The following DNAH9 variants were observed in gnomAD, a reference collection of about 807,000 sequenced individuals.
The protein encoded by DNAH9 is dynein axonemal heavy chain 9.
In DNAH9, 345 loss-of-function variants were observed where a neutral mutation model predicts 471.6. The ratio of observed to expected loss-of-function variants is 0.73; its 90% CI spans 0.67 to 0.80. The LOEUF is 0.80. Among genes scored for constraint, DNAH9 ranks in the 30% least tolerant of loss-of-function variants. DNAH9 has a pLI of 0.00. For missense variants in DNAH9, 5,407 were observed against 5,609.2 expected, an observed-to-expected ratio of 0.96 and a Z score of 1.15; for synonymous variants, 2,093 against 2,123.6, an observed-to-expected ratio of 0.99 and a Z score of 0.40.
intron 8 of DNAH9, among the ~76,000 whole-genome samples, chr17:11,634,943 A>C (rs962011127): frequency 5.9e-5 from 9 of 152,186 alleles, no homozygotes; most frequent in Non-Finnish European, 1.0e-4. Context: ...CCCAACCTGA[A>C]ATAAGGAGGT....
At position 11,768,570 on chromosome 17, in the gene DNAH9, G is replaced by T; in HGVS notation, c.7288G>T (p.Glu2430Ter). Residue 2430 changes from glutamate to a stop codon, truncating the protein, a stop_gained, in exon 37 of 69, where the codon GAG (glutamate) becomes TAG (stop). Coordinates refer to ENST00000262442, the MANE Select transcript of DNAH9 (RefSeq NM_001372.4). LOFTEE classifies it high-confidence loss of function. The part of the protein sequence containing the change: ...YYIDPETKKF[E>*]PWSKLVPQFE... ...CATCGACCCAGAGACCAAGAAATTC[G>T]AGCCTTGGTCCAAGCTCGTCCCCCA... 6.2e-7 allele frequency: 1 copy of T among 1,614,048 alleles called. No homozygotes were observed. The highest frequency in any genetic ancestry group is 1.1e-5 in the South Asian group (1 of 91,058).
chr17:11,841,162 T>G (rs1320341836), intron 49 of DNAH9, among the ~76,000 whole-genome samples: 1 of 152,184 alleles, frequency 6.6e-6, no homozygotes, highest in African/African-American at 2.4e-5. Flanking sequence ...TCACTTTTAT[T>G]TTAACTTTAA....
chr17:11,852,940 CAT>C (rs1202020013), intron 49 of DNAH9, among the ~76,000 whole-genome samples: 5 of 145,674 alleles, frequency 3.4e-5, no homozygotes, highest in Non-Finnish European at 7.5e-5. Flanking sequence ...ATATATTTCT[CAT>C]ATTTAATATA....
At chr17:11,961,027 T>C (rs1268316922) in intron 67 of DNAH9, among the ~76,000 whole-genome samples, 1 of 151,628 alleles carries the variant, frequency 6.6e-6, no homozygotes, top group Non-Finnish European at 1.5e-5. Context: ...TTAAACATAG[T>C]GTTCAGGCCG....
At position 11,883,663 on chromosome 17, in the gene DNAH9, C is replaced by T. The variant is rs1972796634; in HGVS notation, c.10884C>T (p.Ser3628=). 6.2e-7 allele frequency: 1 copy of T among 1,614,118 alleles called. No homozygotes were observed. Among genetic ancestry groups the T allele is most frequent in the Non-Finnish European group, 8.5e-7 (1 of 1,179,994 alleles). ...TLEDSLLSRL[S]SASGNFLGET... ...AAGACAGTCTTCTCTCTCGCCTCTC[C>T]TCCGCCTCTGGGAACTTCCTGGGAG... Residue 3628 remains serine (S), a synonymous_variant, in exon 56 of 69, where the codon TCC becomes TCT. Coordinates refer to ENST00000262442, the MANE Select transcript of DNAH9 (RefSeq NM_001372.4).
intron 1 of DNAH9, among the ~76,000 whole-genome samples, chr17:11,601,341 A>G (rs973176817): frequency 1.4e-5 from 2 of 142,280 alleles, no homozygotes; most frequent in African/African-American, 5.1e-5. Flanking sequence ...AAGAAGAGAG[A>G]AAGGAAGGAG....
chr17:11,680,990 G>C (rs1326948497), intron 19 of DNAH9, 101 bp downstream of exon 19: 7 of 1,127,684 alleles, frequency 6.2e-6, no homozygotes, highest in Non-Finnish European at 8.8e-6. Flanking sequence ...AGCAGCTGCA[G>C]ACCAGTTAAT....
Position 11,906,642 on chromosome 17 carries a change from AAAAAG to A in DNAH9, c.11749+838_11749+842del, listed in dbSNP as rs1178428940. On this transcript the variant is annotated intron_variant, in intron 61 of 68. Coordinates refer to ENST00000262442, the MANE Select transcript of DNAH9 (RefSeq NM_001372.4). Reference sequence around the variant, plus strand: ...GACTCTGTCTCAAAAAAAAAAAAAAAAAAAGAAAATGTGATACATATATACCATGG... The same window carrying A: ...GACTCTGTCTCAAAAAAAAAAAAAAAAAAATGTGATACATATATACCATGG... 9.9e-5 allele frequency among the ~76,000 whole-genome samples: 15 copies of A among 151,316 alleles called. No individual in the cohort carries two copies. The East Asian group carries it at 2.5e-3, about 26-fold the overall frequency.
chr17:11,681,041 GCT>G lies in DNAH9; in HGVS notation c.3743+153_3743+154del. The G allele has an allele frequency of 6.8e-6, 5 of 735,978 alleles. No individual in the cohort carries two copies. In the South Asian group the frequency reaches 9.8e-5, roughly 14 times the overall value. 45.6% of individuals were successfully genotyped at this position (735,978 alleles called of 1,614,324 possible). ...TTAGGACCTTTGGTTGAAACGTGGT[GCT>G]AATGTGGACTGAATCCTATCATGAC... On this transcript the variant is annotated intron_variant, in intron 19 of 68. Transcript: ENST00000262442.
At chr17:11,879,726 TA>T (rs778526077) in intron 53 of DNAH9, among the ~76,000 whole-genome samples, 6 of 150,534 alleles carry the variant, frequency 4.0e-5, no homozygotes, top group African/African-American at 7.3e-5. Context: ...ATATTTTCTG[TA>T]AAAAAAAACA....
intron 1 of DNAH9, among the ~76,000 whole-genome samples, chr17:11,604,033 T>C (rs957769134): frequency 6.6e-6 from 1 of 151,762 alleles, no homozygotes; most frequent in African/African-American, 2.4e-5. Context: ...ACTTCTTTTT[T>C]TTTTTTTGAG....
At chr17:11,868,334 C>G (rs897078601) in intron 50 of DNAH9, among the ~76,000 whole-genome samples, 1 of 152,110 alleles carries the variant, frequency 6.6e-6, no homozygotes, top group Non-Finnish European at 1.5e-5. Flanking sequence ...ACAAAGCAGC[C>G]TGAACCCCAG....
At chr17:11,869,562 C>T (rs8078938) in intron 51 of DNAH9, among the ~76,000 whole-genome samples, 142,012 of 152,248 alleles carry the variant, frequency 0.93, 66,704 homozygotes, top group African/African-American at 0.97. Context: ...AAGACAAAGC[C>T]AGCATTTTAT....
At chr17:11,915,501 C>T (rs537430803) in intron 61 of DNAH9, among the ~76,000 whole-genome samples, 78 of 151,942 alleles carry the variant, frequency 5.1e-4, no homozygotes, top group African/African-American at 1.6e-3. Flanking sequence ...TTCAACTTGG[C>T]GACACAGAGA....
In DNAH9 at chr17:11,784,390, G is replaced by A. The variant is rs199793182; in HGVS notation, c.7912G>A (p.Gly2638Arg). The change falls in exon 41 of 69, where the codon GGA (glycine) becomes AGA (arginine). Residue 2638 changes from glycine to arginine, a missense_variant. Gly to Arg is a moderately radical substitution (Grantham distance 125). Transcript: ENST00000262442. ...CATCCTCACTCAGCATCTGAAGCTC[G>A]GAAACTTCCCGGCGTCCCTGCAGAA... ...SIILTQHLKL[G>R]NFPASLQKSI... 1.5e-4 allele frequency: 243 copies of A among 1,614,098 alleles called. No homozygotes were observed. The East Asian group carries it at 4.6e-3, about 30-fold the overall frequency.
At chr17:11,753,897 C>T (rs12941478) in intron 33 of DNAH9, among the ~76,000 whole-genome samples, 46,486 of 151,912 alleles carry the variant, frequency 0.31, 7,264 homozygotes, top group South Asian at 0.36. Context: ...TTGTTGTACA[C>T]ATTATTTCAT....
chr17:11,851,007 A>G (rs1476048474), intron 49 of DNAH9, among the ~76,000 whole-genome samples: 1 of 152,120 alleles, frequency 6.6e-6, no homozygotes, highest in Non-Finnish European at 1.5e-5. Context: ...GAAGGAAACC[A>G]TCATGGCTCT....
At chr17:11,964,863 CA>C (rs556368149) in intron 68 of DNAH9, among the ~76,000 whole-genome samples, 2 of 151,914 alleles carry the variant, frequency 1.3e-5, no homozygotes, top group Non-Finnish European at 2.9e-5. Flanking sequence ...CACCCCCCCA[CA>C]AAAAAACTGT....
At chr17:11,714,683 T>C (rs2074929353) in intron 26 of DNAH9, among the ~76,000 whole-genome samples, 1 of 152,158 alleles carries the variant, frequency 6.6e-6, no homozygotes, top group African/African-American at 2.4e-5. Flanking sequence ...TATAAGCCCT[T>C]AAAAACAGAG....
Sources: gnomAD v4.1 joint callset for allele counts (sites outside exome capture counted in the v4.1 genomes callset) on GRCh38, gnomAD v4.1.1 for gene constraint, MANE v1.5 for transcripts, NCBI Gene and HGNC (gene_info 2026-07-23, HGNC 2026-07-21) for gene names.